RLN2: variants seen among roughly 807,000 people sequenced by gnomAD.
The protein encoded by RLN2 is relaxin 2, also known as prorelaxin H2.
Under a neutral mutation model 7.3 loss-of-function variants are expected in RLN2, and 10 were observed. That is an observed-to-expected ratio of 1.36 (90% CI 0.84 to 2.31). The LOEUF is 2.31. RLN2 is among the 30% of genes most tolerant of loss of function. The pLI, the probability that RLN2 is intolerant of heterozygous loss-of-function variation, is 0.00. For missense variants in RLN2, 298 were observed against 217.6 expected (o/e 1.37, Z -2.32); for synonymous variants, 103 against 82.3 (o/e 1.25, Z -1.36).
At chr9:5,335,584 G>C in the RLN2 span, 14 of 1,603,250 alleles carry the variant, frequency 8.7e-6, no homozygotes, top group Non-Finnish European at 1.2e-5. Context: ...TGTTGATGAA[G>C]GATGGTACAA....
the RLN2 span, among the ~76,000 whole-genome samples, chr9:5,321,745 C>G: frequency 6.6e-6 from 1 of 151,798 alleles, no homozygotes; most frequent in African/African-American, 2.4e-5. Flanking sequence ...TGCACTGTGG[C>G]TAAGGAAAAA....
chr9:5,305,672 C>G (rs1297961944), upstream of RLN2, among the ~76,000 whole-genome samples: 1 of 151,978 alleles, frequency 6.6e-6, no homozygotes. Context: ...AAATAACTTA[C>G]TTGCTTGTGT....
the RLN2 span, among the ~76,000 whole-genome samples, chr9:5,333,560 A>G: frequency 1.3e-5 from 2 of 152,008 alleles, no homozygotes; most frequent in Non-Finnish European, 2.9e-5. Flanking sequence ...CCAGGTCCTG[A>G]TGGATTTACA....
chr9:5,304,955 CAG>C (rs1816216520), upstream of RLN2: 1 of 205,628 alleles, frequency 4.9e-6, no homozygotes, highest in African/African-American at 2.3e-5. Flanking sequence ...TTTACACACA[CAG>C]AAACAAATTT....
At chr9:5,326,436 T>TA in the RLN2 span, among the ~76,000 whole-genome samples, 4 of 152,050 alleles carry the variant, frequency 2.6e-5, no homozygotes, top group Admixed American at 6.5e-5. Context: ...ACCACATACC[T>TA]AAACTCACTG....
chr9:5,306,014 G>A (rs541895015), upstream of RLN2, among the ~76,000 whole-genome samples: 1 of 151,470 alleles, frequency 6.6e-6, no homozygotes, highest in Admixed American at 6.6e-5. Context: ...TGGGTTGACA[G>A]TCCTTGTAAA....
At chr9:5,321,715 G>A in the RLN2 span, among the ~76,000 whole-genome samples, 37,507 of 151,152 alleles carry the variant, frequency 0.25, 4,922 homozygotes, top group East Asian at 0.4. Context: ...CTGTGGCTTG[G>A]AGGCATCTGC....
upstream of RLN2, among the ~76,000 whole-genome samples, chr9:5,305,857 C>T (rs1300671808): frequency 1.3e-5 from 2 of 151,934 alleles, no homozygotes; most frequent in Non-Finnish European, 2.9e-5. Context: ...TAGCATTGGT[C>T]AAATGCCAAG....
chr9:5,337,509 A>G, the RLN2 span, among the ~76,000 whole-genome samples: 2 of 152,002 alleles, frequency 1.3e-5, no homozygotes, highest in African/African-American at 4.8e-5. Flanking sequence ...TTTAAAGCGG[A>G]TCTTATTTTT....
chr9:5,326,521 G>A, the RLN2 span, among the ~76,000 whole-genome samples: 2 of 152,048 alleles, frequency 1.3e-5, no homozygotes, highest in African/African-American at 4.8e-5. Context: ...TGGGAGCCTG[G>A]GAAATGCAGT....
chr9:5,325,467 A>C, the RLN2 span, among the ~76,000 whole-genome samples: 1 of 152,088 alleles, frequency 6.6e-6, no homozygotes, highest in African/African-American at 2.4e-5. Context: ...TAGAACAAAC[A>C]AGAGAGCTTA....
chr9:5,316,041 C>G, the RLN2 span, among the ~76,000 whole-genome samples: 1 of 151,916 alleles, frequency 6.6e-6, no homozygotes, highest in East Asian at 1.9e-4. Context: ...AATACATAGT[C>G]AAATCCAAAA....
At chr9:5,315,353 C>A in the RLN2 span, among the ~76,000 whole-genome samples, 1 of 148,572 alleles carries the variant, frequency 6.7e-6, no homozygotes, top group South Asian at 2.1e-4. Flanking sequence ...AGATCAAGCA[C>A]AAGGAAGAAA....
the RLN2 span, among the ~76,000 whole-genome samples, chr9:5,315,074 C>G: frequency 6.6e-6 from 1 of 151,796 alleles, no homozygotes; most frequent in Non-Finnish European, 1.5e-5. Context: ...TATTAAAAAG[C>G]AAGAAACATG....
chr9:5,316,505 T>C, the RLN2 span, among the ~76,000 whole-genome samples: 1 of 152,000 alleles, frequency 6.6e-6, no homozygotes, highest in Non-Finnish European at 1.5e-5. Flanking sequence ...TGTGTTCTCA[T>C]TGTTCAATTC....
upstream of RLN2, among the ~76,000 whole-genome samples, chr9:5,306,102 G>GGTTTTTTTTTTTTTTTTTT (rs1554618110): frequency 8.1e-6 from 1 of 123,436 alleles, no homozygotes; most frequent in Non-Finnish European, 1.7e-5. Context: ...CTTTGTTTTT[G>GGTTTTTTTTTTTTTTTTTT]TTTTTTGTTT....
the RLN2 span, among the ~76,000 whole-genome samples, chr9:5,334,510 T>C: frequency 9.2e-5 from 14 of 152,192 alleles, no homozygotes; most frequent in East Asian, 1.9e-4. Context: ...TAATTTTGCT[T>C]ACAGAAATAG....
upstream of RLN2, among the ~76,000 whole-genome samples, chr9:5,308,107 A>G (rs991600335): frequency 2.0e-5 from 3 of 151,894 alleles, no homozygotes; most frequent in African/African-American, 7.3e-5. Flanking sequence ...CTTTTATTCA[A>G]GCCTCCAGTG....
In RLN2 at chr9:5,300,222, G is replaced by T; in HGVS notation, c.434C>A (p.Pro145His). 6.2e-7 allele frequency: 1 copy of T among 1,613,924 alleles called. No homozygotes were observed. The highest frequency in any genetic ancestry group is 8.5e-7 in the Non-Finnish European group (1 of 1,179,864). ...NRQSEAADSS[P>H]SELKYLGLDT... ...CAAGCCTAAGTATTTTAATTCTGAA[G>T]GACTGCTGTCTGCGGCTTCACTTTG... is the stretch of plus-strand genomic sequence containing the variant. The change falls in exon 2 of 2, where the codon CCT becomes CAT. Residue 145 changes from proline to histidine, a missense_variant. Transcript: ENST00000381627.
Sources: gnomAD v4.1 joint callset for allele counts (sites outside exome capture counted in the v4.1 genomes callset) on GRCh38, gnomAD v4.1.1 for gene constraint, MANE v1.5 for transcripts, NCBI Gene and HGNC (gene_info 2026-07-23, HGNC 2026-07-21) for gene names.